DNAH6: variants seen among roughly 807,000 people sequenced by gnomAD.
DNAH6 encodes dynein axonemal heavy chain 6, also known as axonemal beta dynein heavy chain 6.
DNAH6 carries 340 observed loss-of-function variants against 491.4 expected under a neutral mutation model. The ratio of observed to expected loss-of-function variants is 0.69; its 90% CI spans 0.63 to 0.76. The LOEUF is 0.76. DNAH6 is among the 30% of genes least tolerant of loss of function. The pLI, the probability that DNAH6 is intolerant of heterozygous loss-of-function variation, is 0.00. For missense variants in DNAH6, 4,443 were observed against 4,972.2 expected, an observed-to-expected ratio of 0.89 and a Z score of 3.20; for synonymous variants, 1,603 against 1,686.1, an observed-to-expected ratio of 0.95 and a Z score of 1.21.
chr2:84,648,090 G>T (rs1249456405), intron 33 of DNAH6, among the ~76,000 whole-genome samples: 1 of 152,180 alleles, frequency 6.6e-6, no homozygotes, highest in Non-Finnish European at 1.5e-5. Flanking sequence ...ATTTGCTTCA[G>T]CCTCAAAGAG....
chr2:84,757,816 T>TCAGCTTC (rs1202502634), intron 63 of DNAH6, among the ~76,000 whole-genome samples: 1 of 152,284 alleles, frequency 6.6e-6, no homozygotes, highest in East Asian at 1.9e-4. Context: ...TGAGAATCAT[T>TCAGCTTC]CACCTTCCAC....
chr2:84,461,991 G>A, the DNAH6 span, among the ~76,000 whole-genome samples: 3 of 152,232 alleles, frequency 2.0e-5, no homozygotes, highest in South Asian at 2.1e-4. Context: ...AATAAATCTC[G>A]GGACCCCAAA....
the DNAH6 span, among the ~76,000 whole-genome samples, chr2:84,482,573 C>T: frequency 1.3e-5 from 2 of 152,182 alleles, no homozygotes; most frequent in African/African-American, 2.4e-5. Context: ...TAAGACAGTC[C>T]GAGGGATCTG....
At chr2:84,787,553 C>T (rs1677328332) in intron 68 of DNAH6, among the ~76,000 whole-genome samples, 1 of 152,140 alleles carries the variant, frequency 6.6e-6, no homozygotes, top group African/African-American at 2.4e-5. Context: ...GTGCTTGCTA[C>T]ATGCCAAGCA....
chr2:84,787,251 C>G lies in DNAH6; in HGVS notation c.11188C>G (p.Leu3730Val). 6.5e-7 allele frequency: 1 copy of G among 1,547,072 alleles called. No individual in the cohort carries two copies. Among genetic ancestry groups the G allele is most frequent in the Non-Finnish European group, 8.7e-7 (1 of 1,143,796 alleles). ...DRECALLNLK[L>V]YCKEGKIPWD... is the part of the protein sequence containing the mutation. The stretch of plus-strand genomic sequence containing the variant: ...GGAATGTGCTTTACTGAATCTCAAA[C>G]TCTATTGTAAAGAAGGAAAGATTCC... Residue 3730 changes from leucine to valine, a missense_variant, in exon 68 of 77, where the codon CTC (leucine) becomes GTC (valine). Coordinates refer to ENST00000389394, the MANE Select transcript of DNAH6 (RefSeq NM_001370.2).
chr2:84,694,972 AT>A (rs1284755408), intron 46 of DNAH6, among the ~76,000 whole-genome samples: 1 of 152,134 alleles, frequency 6.6e-6, no homozygotes, highest in Non-Finnish European at 1.5e-5. Flanking sequence ...ATTCTTGGGT[AT>A]TTTTTCTTTA....
At position 84,664,956 on chromosome 2, in the gene DNAH6, G is replaced by A. The variant is rs1018581116; in HGVS notation, c.6085-4333G>A. On this transcript the variant is annotated intron_variant, in intron 37 of 76. Transcript: ENST00000389394. ...AGGATTAAGAAACTCACTCAAGACC[G>A]CTCAACTACATGGAAACTGAACAAC... is the stretch of plus-strand genomic sequence containing the variant. Among the ~76,000 whole-genome samples the A allele has an allele frequency of 3.9e-5, 6 of 152,068 alleles. 1 individual carries two copies. The South Asian group carries it at 6.2e-4, about 16-fold the overall frequency.
intron 56 of DNAH6, among the ~76,000 whole-genome samples, chr2:84,711,588 CATT>C (rs1697049437): frequency 6.6e-6 from 1 of 152,190 alleles, no homozygotes; most frequent in African/African-American, 2.4e-5. Context: ...TATTTTAACT[CATT>C]AATCCTCACT....
intron 33 of DNAH6, among the ~76,000 whole-genome samples, chr2:84,647,137 G>A (rs760356795): frequency 3.3e-5 from 5 of 152,228 alleles, no homozygotes; most frequent in African/African-American, 9.6e-5. Context: ...GTGAGCCACC[G>A]TACCCGGCCA....
At chr2:84,629,859 G>A (rs946310652) in intron 29 of DNAH6, among the ~76,000 whole-genome samples, 1 of 152,024 alleles carries the variant, frequency 6.6e-6, no homozygotes, top group Non-Finnish European at 1.5e-5. Flanking sequence ...AAATTGATGT[G>A]ACCATATCAA....
chr2:84,703,120 G>C (rs1000584357), intron 49 of DNAH6, among the ~76,000 whole-genome samples: 5 of 152,170 alleles, frequency 3.3e-5, no homozygotes, highest in Non-Finnish European at 5.9e-5. Flanking sequence ...AGTACCATGT[G>C]GTCCTTACTC....
At chr2:84,792,780 G>A (rs535082167) in intron 68 of DNAH6, among the ~76,000 whole-genome samples, 1 of 152,142 alleles carries the variant, frequency 6.6e-6, no homozygotes, top group Non-Finnish European at 1.5e-5. Context: ...TTAGGAAGAA[G>A]TGCAACAATT....
rs1483469749 is a variant in DNAH6, at chr2:84,705,715, G to A, written c.8695G>A (p.Glu2899Lys). Residue 2899 changes from glutamate (E) to lysine (K), a missense_variant, in exon 52 of 77, where the codon GAA becomes AAA. Coordinates refer to ENST00000389394, the MANE Select transcript of DNAH6 (RefSeq NM_001370.2). ...GTACTCTCGAGTGGTCAAGGTCGTC[G>A]AACCAAAAAGACAAAAGCTCCGCGC... is the stretch of plus-strand genomic sequence containing the variant. ...DLYSRVVKVV[E>K]PKRQKLRAAQ... The A allele has an allele frequency of 1.7e-5, 26 of 1,550,266 alleles. No homozygotes were observed. Among genetic ancestry groups the A allele is most frequent in the Middle Eastern group, 3.3e-4 (2 of 5,972 alleles).
chr2:84,654,602 T>C, intron 34 of DNAH6, 58 bp from the exon 35 acceptor site: 1 of 1,542,122 alleles, frequency 6.5e-7, no homozygotes, highest in Non-Finnish European at 8.8e-7. Flanking sequence ...ACATTGAAGT[T>C]GGAGAAATAA....
Position 84,705,652 on chromosome 2 carries a change from T to C in DNAH6, c.8632T>C (p.Cys2878Arg), listed in dbSNP as rs377025265. 3 of 1,551,572 alleles carry C rather than the reference T, an allele frequency of 1.9e-6. No individual in the cohort carries two copies. The highest frequency in any genetic ancestry group is 2.4e-5 in the East Asian group (1 of 40,928). Residue 2878 changes from cysteine to arginine, a missense_variant, in exon 52 of 77, where the codon TGT becomes CGT. Coordinates refer to ENST00000389394, the MANE Select transcript of DNAH6 (RefSeq NM_001370.2). ...AAAAGTGGAGAAAGTGTCCAAAGCA[T>C]GTAAATCTATGTGCATGTGGGTAAG... ...PEKVEKVSKA[C>R]KSMCMWVRAM...
At chr2:84,641,645 A>G (rs1689415213) in intron 32 of DNAH6, among the ~76,000 whole-genome samples, 1 of 152,218 alleles carries the variant, frequency 6.6e-6, no homozygotes, top group Admixed American at 6.5e-5. Context: ...GGGAGAAAAG[A>G]AAATCACAGC....
At chr2:84,817,810 G>A (rs958794996) in intron 76 of DNAH6, among the ~76,000 whole-genome samples, 2 of 152,170 alleles carry the variant, frequency 1.3e-5, no homozygotes, top group African/African-American at 4.8e-5. Flanking sequence ...CATGGCAAGA[G>A]AGGAAGTAGG....
chr2:84,717,135 C>T (rs1697614085), intron 58 of DNAH6, among the ~76,000 whole-genome samples: 1 of 152,186 alleles, frequency 6.6e-6, no homozygotes, highest in African/African-American at 2.4e-5. Flanking sequence ...CTGTCCACCT[C>T]CTTCTGTCTT....
intron 51 of DNAH6, 33 bp from the exon 52 acceptor site, chr2:84,705,453 C>A: frequency 1.3e-6 from 2 of 1,490,422 alleles, no homozygotes; most frequent in South Asian, 2.7e-5. Context: ...TACTTCATTT[C>A]AGTGCCATTA....
Sources: allele counts gnomAD v4.1 joint callset (sites outside exome capture counted in the v4.1 genomes callset), GRCh38; gene constraint gnomAD v4.1.1; transcripts MANE v1.5; gene names NCBI Gene and HGNC (gene_info 2026-07-23, HGNC 2026-07-21).